UNC13B: variants seen among roughly 807,000 people sequenced by gnomAD.
The protein encoded by UNC13B is protein unc-13 homolog B.
In UNC13B, 144 loss-of-function variants were observed where a neutral mutation model predicts 211.0. The ratio of observed to expected loss-of-function variants is 0.68; its 90% CI spans 0.60 to 0.78. The LOEUF (loss-of-function observed/expected upper bound fraction) is 0.78, where lower values mean the gene tolerates loss of function less well. Among genes scored for constraint, UNC13B ranks in the 30% least tolerant of loss-of-function variants. The probability of loss-of-function intolerance (pLI) is 0.00; values close to 1 mark genes in which losing one functional copy is unlikely to be tolerated. For synonymous variants in UNC13B, 709 were observed against 725.8 expected (o/e 0.98, Z 0.37); for missense variants, 1,777 against 2,002.0 (o/e 0.89, Z 2.14).
In UNC13B at chr9:35,302,037, TAAAAGAG is replaced by T. The variant is rs1829710238; in HGVS notation, c.2637_2643del (p.Lys881AlafsTer27). 5.0e-6 allele frequency: 2 copies of T among 398,660 alleles called. No homozygotes were observed. The highest frequency in any genetic ancestry group is 7.1e-5 in the East Asian group (2 of 28,078). The allele number at this position is 398,660 out of a possible 1,614,324, so 24.7% of individuals were successfully genotyped here. ...GGTCATTCTGAAAAGCAACAGGAGT[TAAAAGAG>T]AAAGGAAGCATTTTTCCTTTGTTTA... On this transcript the variant is annotated frameshift_variant, in exon 9 of 40. Transcript: ENST00000635942. LOFTEE classifies it high-confidence loss of function.
At chr9:35,166,725 T>C (rs769412378) in intron 1 of UNC13B, among the ~76,000 whole-genome samples, 15 of 152,210 alleles carry the variant, frequency 9.9e-5, no homozygotes, top group Non-Finnish European at 1.9e-4. Flanking sequence ...TGAAACAGTT[T>C]AGAGTGTAAA....
intron 6 of UNC13B, among the ~76,000 whole-genome samples, chr9:35,250,356 A>C (rs768679551): frequency 7.8e-4 from 119 of 152,040 alleles, no homozygotes; most frequent in Non-Finnish European, 1.8e-4. Context: ...GCCCTATACA[A>C]CCACTAATCA....
intron 26 of UNC13B, among the ~76,000 whole-genome samples, chr9:35,393,574 CTTT>C (rs749007486): frequency 1.7e-5 from 2 of 118,858 alleles, no homozygotes; most frequent in Non-Finnish European, 3.5e-5. Flanking sequence ...GACTCTCTCT[CTTT>C]TTTTTTTTTT....
chr9:35,395,309 G>T (rs752448131), intron 26 of UNC13B, among the ~76,000 whole-genome samples: 29 of 152,172 alleles, frequency 1.9e-4, no homozygotes, highest in Non-Finnish European at 4.0e-4. Flanking sequence ...CTTCATAGAA[G>T]AGACTGCAAA....
In UNC13B at chr9:35,272,465, C is replaced by T. The variant is rs553307056; in HGVS notation, c.526+13415C>T. ...TAGAGACAGGGTTTCACCATGTTGG[C>T]CAGGCTGGCCTCGAACTCCTGACCT... On this transcript the variant is annotated intron_variant, in intron 7 of 39. Coordinates refer to ENST00000635942, the MANE Select transcript of UNC13B (RefSeq NM_001371189.2). Among the ~76,000 whole-genome samples, 19 of 152,050 alleles carry T rather than the reference C, an allele frequency of 1.2e-4. No individual in the cohort carries two copies. In the East Asian group the frequency reaches 3.7e-3, roughly 29 times the overall value.
intron 7 of UNC13B, among the ~76,000 whole-genome samples, chr9:35,262,051 A>G (rs1353631671): frequency 1.3e-5 from 2 of 152,164 alleles, no homozygotes; most frequent in Non-Finnish European, 2.9e-5. Context: ...GCTGCTTTCA[A>G]ATCTTGCCTA....
rs768469521 is a variant in UNC13B, at chr9:35,403,473, C to T, written c.12611C>T (p.Ala4204Val). ...VAANDLKWQTAGMFRPFVEVT... is the reference protein window; with the variant it reads ...VAANDLKWQTVGMFRPFVEVT... Reference sequence around the variant, plus strand: ...GCCAATGACCTCAAGTGGCAGACAGCGGGTATGTTCCGGCCTTTCGTGGAG... The same window carrying T: ...GCCAATGACCTCAAGTGGCAGACAGTGGGTATGTTCCGGCCTTTCGTGGAG... The change falls in exon 39 of 40, where the codon GCG becomes GTG. Residue 4204 changes from alanine (A) to valine (V), a missense_variant. Coordinates refer to ENST00000635942, the MANE Select transcript of UNC13B (RefSeq NM_001371189.2). The T allele has an allele frequency of 2.0e-5, 33 of 1,613,770 alleles. No individual in the cohort carries two copies. The highest frequency in any genetic ancestry group is 8.9e-5 in the East Asian group (4 of 44,878).
intron 12 of UNC13B, among the ~76,000 whole-genome samples, chr9:35,369,163 C>A (rs566563110): frequency 1.3e-5 from 2 of 152,324 alleles, no homozygotes; most frequent in East Asian, 3.9e-4. Flanking sequence ...CCTGTTTCAA[C>A]TCCTGGACTT....
At chr9:35,329,404 C>T (rs755263018) in intron 11 of UNC13B, among the ~76,000 whole-genome samples, 1 of 152,190 alleles carries the variant, frequency 6.6e-6, no homozygotes, top group Middle Eastern at 3.4e-3. Flanking sequence ...GAGAAGATGG[C>T]CATTGACAAG....
At chr9:35,286,189 T>G (rs17361235) in intron 7 of UNC13B, among the ~76,000 whole-genome samples, 3,893 of 151,896 alleles carry the variant, frequency 0.026, 78 homozygotes, top group Non-Finnish European at 0.042. Flanking sequence ...TAGGAACCAG[T>G]TATCAGACAG....
chr9:35,186,354 G>A (rs1004264142), intron 1 of UNC13B, among the ~76,000 whole-genome samples: 10 of 152,136 alleles, frequency 6.6e-5, no homozygotes, highest in Admixed American at 3.3e-4. Context: ...TCTTCAGGCA[G>A]GGCTTAACTT....
intron 2 of UNC13B, 40 bp downstream of exon 2, chr9:35,228,084 T>C: frequency 6.4e-7 from 1 of 1,563,196 alleles, no homozygotes; most frequent in Non-Finnish European, 8.7e-7. Context: ...CTCTTGTATT[T>C]GCTGTTATTT....
intron 26 of UNC13B, among the ~76,000 whole-genome samples, chr9:35,391,898 A>T (rs865887568): frequency 6.6e-6 from 1 of 152,226 alleles, no homozygotes. Context: ...CCAGCCCTGC[A>T]TTTATCAATC....
chr9:35,193,397 C>A (rs1822762738), intron 1 of UNC13B, among the ~76,000 whole-genome samples: 1 of 151,950 alleles, frequency 6.6e-6, no homozygotes, highest in Non-Finnish European at 1.5e-5. Context: ...GCCTGTAATC[C>A]CAGCACTTTG....
intron 11 of UNC13B, among the ~76,000 whole-genome samples, chr9:35,357,432 G>A (rs372931540): frequency 1.2e-4 from 18 of 151,280 alleles, no homozygotes; most frequent in East Asian, 7.8e-4. Flanking sequence ...GTTTTTTTTC[G>A]TTTTGTTTTT....
Position 35,162,088 on chromosome 9 carries a change from C to CT in UNC13B, c.-195dup. 1 of 788,982 alleles carries CT rather than the reference C, an allele frequency of 1.3e-6. No homozygotes were observed. Among genetic ancestry groups the CT allele is most frequent in the Non-Finnish European group, 2.0e-6 (1 of 500,024 alleles). The allele number at this position is 788,982 out of a possible 1,614,324, so 48.9% of individuals were successfully genotyped here. On this transcript the variant is annotated 5_prime_UTR_variant, in exon 1 of 40. An upstream open reading frame in the 5' UTR loses its in-frame stop. Coordinates refer to ENST00000635942, the MANE Select transcript of UNC13B (RefSeq NM_001371189.2). ...CCAGCCTGCCGGCCGGTACTCACCG[C>CT]TACCCGGAGTTCGCTCAGACGGTGA...
intron 35 of UNC13B, 27 bp from the exon 36 acceptor site, chr9:35,399,622 C>T (rs371253315): frequency 5.6e-6 from 9 of 1,613,316 alleles, no homozygotes; most frequent in South Asian, 1.1e-5. Context: ...TGTGAGCTGT[C>T]CTGATGCTGC....
chr9:35,252,710 C>T (rs1351478597), intron 6 of UNC13B, among the ~76,000 whole-genome samples: 1 of 151,984 alleles, frequency 6.6e-6, no homozygotes, highest in East Asian at 2.0e-4. Context: ...ACGGGCGGAT[C>T]ACGAGGTCAG....
chr9:35,343,570 T>C (rs1214722001), intron 11 of UNC13B, among the ~76,000 whole-genome samples: 1 of 152,130 alleles, frequency 6.6e-6, no homozygotes, highest in African/African-American at 2.4e-5. Flanking sequence ...TTGAGGAGGA[T>C]TGAACCTCAC....
Sources: gnomAD v4.1 joint callset for allele counts (sites outside exome capture counted in the v4.1 genomes callset) on GRCh38, gnomAD v4.1.1 for gene constraint, MANE v1.5 for transcripts, NCBI Gene and HGNC (gene_info 2026-07-23, HGNC 2026-07-21) for gene names.